RABGAP1L: variants seen among roughly 807,000 people sequenced by gnomAD.
RABGAP1L encodes the protein rab GTPase-activating protein 1-like.
RABGAP1L carries 63 observed loss-of-function variants against 137.7 expected under a neutral mutation model. The ratio of observed to expected loss-of-function variants is 0.46; its 90% CI spans 0.37 to 0.56. The LOEUF is 0.56. RABGAP1L is among the 20% of genes least tolerant of loss of function. RABGAP1L has a pLI of 0.00. For missense variants in RABGAP1L, 1,095 were observed against 1,244.0 expected (o/e 0.88, Z 1.80); for synonymous variants, 431 against 433.7 (o/e 0.99, Z 0.08).
intron 1 of RABGAP1L, among the ~76,000 whole-genome samples, chr1:174,200,371 T>C (rs1484137978): frequency 2.0e-5 from 3 of 152,212 alleles, no homozygotes; most frequent in Admixed American, 2.0e-4. Flanking sequence ...CTATACCTTT[T>C]TGTACTTGAT....
chr1:174,596,037 G>T (rs898738491), intron 13 of RABGAP1L, among the ~76,000 whole-genome samples: 4 of 110,302 alleles, frequency 3.6e-5, no homozygotes, highest in Non-Finnish European at 6.9e-5. Context: ...TCTGAGCCAG[G>T]TGTGGGATAT....
At chr1:174,738,620 T>C (rs1683144813) in intron 17 of RABGAP1L, among the ~76,000 whole-genome samples, 1 of 152,162 alleles carries the variant, frequency 6.6e-6, no homozygotes, top group Non-Finnish European at 1.5e-5. Context: ...TACTCCTCAA[T>C]TTACTGTTTA....
chr1:174,338,640 T>A lies in RABGAP1L; in HGVS notation c.1466-32339T>A, dbSNP rs148038507. 1.2e-3 allele frequency among the ~76,000 whole-genome samples: 190 copies of A among 152,048 alleles called. 1 individual carries two copies. The highest frequency in any genetic ancestry group is 4.5e-3 in the African/African-American group (186 of 41,530). ...GGGAATGATTTCTATTATATTAAAT[T>A]GTAAGGTATATAGTCTGGTATTTTA... On this transcript the variant is annotated intron_variant, in intron 11 of 25. Coordinates refer to ENST00000681986, the MANE Select transcript of RABGAP1L (RefSeq NM_001366446.1).
chr1:174,960,296 C>T (rs1668973946), intron 20 of RABGAP1L, among the ~76,000 whole-genome samples: 1 of 152,060 alleles, frequency 6.6e-6, no homozygotes, highest in Non-Finnish European at 1.5e-5. Context: ...CACAGGGAAC[C>T]TAGAGGTGGG....
At chr1:174,940,458 TG>T (rs1665683869) in intron 19 of RABGAP1L, among the ~76,000 whole-genome samples, 1 of 151,966 alleles carries the variant, frequency 6.6e-6, no homozygotes, top group South Asian at 2.1e-4. Flanking sequence ...TAAAATTTTT[TG>T]TAGAGATGGG....
At chr1:174,637,738 A>G (rs1674181068) in intron 14 of RABGAP1L, among the ~76,000 whole-genome samples, 1 of 152,138 alleles carries the variant, frequency 6.6e-6, no homozygotes, top group Admixed American at 6.5e-5. Flanking sequence ...CAGGAAAGGA[A>G]CAAAAGGTCC....
intron 1 of RABGAP1L, among the ~76,000 whole-genome samples, chr1:174,201,014 C>T (rs1410808528): frequency 6.6e-6 from 1 of 152,204 alleles, no homozygotes; most frequent in Non-Finnish European, 1.5e-5. Flanking sequence ...TTACATGTCA[C>T]TTTTCTTTCA....
chr1:174,538,852 A>T (rs930675492), intron 13 of RABGAP1L, among the ~76,000 whole-genome samples: 6 of 152,192 alleles, frequency 3.9e-5, no homozygotes, highest in Admixed American at 3.9e-4. Flanking sequence ...GTAATCGTTC[A>T]TGTTTATAAC....
intron 14 of RABGAP1L, among the ~76,000 whole-genome samples, chr1:174,642,221 G>T (rs1198218933): frequency 6.6e-6 from 1 of 152,128 alleles, no homozygotes; most frequent in Non-Finnish European, 1.5e-5. Flanking sequence ...ATTATACAGA[G>T]ATTAATACCT....
intron 12 of RABGAP1L, among the ~76,000 whole-genome samples, chr1:174,383,375 G>T (rs1362292240): frequency 6.7e-6 from 1 of 149,178 alleles, no homozygotes; most frequent in East Asian, 1.9e-4. Context: ...AATGGCGGGC[G>T]CCCCTCCCCC....
chr1:174,276,695 A>G (rs543354641), intron 9 of RABGAP1L, among the ~76,000 whole-genome samples: 77 of 152,154 alleles, frequency 5.1e-4, no homozygotes, highest in Middle Eastern at 6.8e-3. Flanking sequence ...TATATATTAA[A>G]TATTTCAGTT....
At chr1:174,260,509 G>C (rs1673494437) in intron 7 of RABGAP1L, among the ~76,000 whole-genome samples, 1 of 152,162 alleles carries the variant, frequency 6.6e-6, no homozygotes, top group South Asian at 2.1e-4. Flanking sequence ...TATGAAATGT[G>C]TGAGGAGTGG....
chr1:174,428,243 A>G (rs1652190073), intron 13 of RABGAP1L, among the ~76,000 whole-genome samples: 1 of 152,176 alleles, frequency 6.6e-6, no homozygotes, highest in African/African-American at 2.4e-5. Flanking sequence ...GTATGATTGA[A>G]GCACTATGTG....
intron 13 of RABGAP1L, among the ~76,000 whole-genome samples, chr1:174,426,961 A>G (rs925710217): frequency 1.3e-4 from 20 of 152,090 alleles, no homozygotes; most frequent in Admixed American, 3.9e-4. Flanking sequence ...ATATGGGTCC[A>G]TGTTGCAGAG....
At chr1:174,325,327 A>C (rs1032458962) in intron 11 of RABGAP1L, among the ~76,000 whole-genome samples, 5 of 152,196 alleles carry the variant, frequency 3.3e-5, no homozygotes, top group African/African-American at 1.2e-4. Flanking sequence ...ACTTTGGCAA[A>C]TTATATTTAA....
In RABGAP1L at chr1:174,805,973, G is replaced by A. The variant is rs573352835; in HGVS notation, c.2212-5859G>A. Among the ~76,000 whole-genome samples, 6 of 152,148 alleles carry A rather than the reference G, an allele frequency of 3.9e-5. No homozygotes were observed. The East Asian group carries it at 5.8e-4, about 15-fold the overall frequency. ...ATTTTCATTATTTTACTCTTCCCTC[G>A]CCATTGTTCTGAAAGCAATATAGAA... On this transcript the variant is annotated intron_variant, in intron 18 of 25. Coordinates refer to ENST00000681986, the MANE Select transcript of RABGAP1L (RefSeq NM_001366446.1).
At position 174,838,943 on chromosome 1, in the gene RABGAP1L, A is replaced by T. The variant is rs1020253293; in HGVS notation, c.2340+26983A>T. ...AAAAAAAAAAAAAAAAAAAAAAAAA[A>T]AAAAAAAAAAATGACATGAGTCAGT... On this transcript the variant is annotated intron_variant, in intron 19 of 25. Coordinates refer to ENST00000681986, the MANE Select transcript of RABGAP1L (RefSeq NM_001366446.1). 6.8e-4 allele frequency among the ~76,000 whole-genome samples: 101 copies of T among 148,108 alleles called. 1 individual carries two copies. Among genetic ancestry groups the T allele is most frequent in the Non-Finnish European group, 1.2e-3 (79 of 66,856 alleles).
intron 19 of RABGAP1L, among the ~76,000 whole-genome samples, chr1:174,909,822 G>A (rs150780017): frequency 9.7e-4 from 148 of 152,256 alleles, no homozygotes; most frequent in African/African-American, 3.2e-3. Context: ...ATAAGAAATA[G>A]AAAACTTCAA....
chr1:174,389,378 CTCTA>C, intron 12 of RABGAP1L, among the ~76,000 whole-genome samples: 1 of 151,948 alleles, frequency 6.6e-6, no homozygotes, highest in East Asian at 1.9e-4. Flanking sequence ...ATCAAAATTT[CTCTA>C]ATTCCATTGG....
Sources: allele counts gnomAD v4.1 joint callset (sites outside exome capture counted in the v4.1 genomes callset), GRCh38; gene constraint gnomAD v4.1.1; transcripts MANE v1.5; gene names NCBI Gene and HGNC (gene_info 2026-07-23, HGNC 2026-07-21).